AXIN1: variants seen among roughly 807,000 people sequenced by gnomAD.
The protein encoded by AXIN1 is axin-1.
AXIN1 carries 30 observed loss-of-function variants against 76.4 expected under a neutral mutation model. The observed-to-expected ratio is 0.39, with a 90% CI of 0.29 to 0.53. The LOEUF (loss-of-function observed/expected upper bound fraction) is 0.53, where lower values mean the gene tolerates loss of function less well. AXIN1 is among the 20% of genes least tolerant of loss of function. AXIN1 has a pLI of 0.66. For synonymous variants in AXIN1, 545 were observed against 501.4 expected (o/e 1.09, Z -1.16); for missense variants, 1,140 against 1,198.8 (o/e 0.95, Z 0.72).
intron 4 of AXIN1, 133 bp from the exon 5 acceptor site, chr16:304,574 AC>A: frequency 1.4e-6 from 2 of 1,401,604 alleles, no homozygotes; most frequent in Non-Finnish European, 1.9e-6. Context: ...TTGCTCTGTC[AC>A]CCAGGCTGGA....
At position 346,819 on chromosome 16, in the gene AXIN1, C is replaced by T. The variant is rs2054043459; in HGVS notation, c.207G>A (p.Gly69=). 3 of 1,613,322 alleles carry T rather than the reference C, an allele frequency of 1.9e-6. No individual in the cohort carries two copies. Among genetic ancestry groups the T allele is most frequent in the East Asian group, 2.2e-5 (1 of 44,864 alleles). ...GGGAGGCACTGCCCTCAGGCTCATA[C>T]CCCAGGTCCAGATCCGAGCGCCTCG... ...ATPRRSDLDL[G]YEPEGSASPT... Residue 69 remains glycine (G), a synonymous_variant, in exon 2 of 11, where the codon GGG becomes GGA. Transcript: ENST00000262320.
Position 288,321 on chromosome 16 carries a change from G to A in AXIN1, c.2463-73C>T, listed in dbSNP as rs778925978. On this transcript the variant is annotated intron_variant, in intron 10 of 10. Coordinates refer to ENST00000262320, the MANE Select transcript of AXIN1 (RefSeq NM_003502.4). Reference sequence around the variant, plus strand: ...GGGAAGGAGGCCTGTGGCAGGGGACGGCGTGTCCACACCCCATCCCGAGGA... The same window carrying A: ...GGGAAGGAGGCCTGTGGCAGGGGACAGCGTGTCCACACCCCATCCCGAGGA... 6.6e-5 allele frequency: 104 copies of A among 1,586,164 alleles called. No individual in the cohort carries two copies. In the East Asian group the frequency reaches 1.3e-3, roughly 19 times the overall value.
chr16:329,623 T>C (rs929281365), intron 2 of AXIN1, among the ~76,000 whole-genome samples: 1 of 151,772 alleles, frequency 6.6e-6, no homozygotes, highest in African/African-American at 2.4e-5. Context: ...TTTTTGTTTT[T>C]TTTTGTTTTT....
At chr16:348,693 C>T (rs1396103860) in intron 1 of AXIN1, among the ~76,000 whole-genome samples, 1 of 152,152 alleles carries the variant, frequency 6.6e-6, no homozygotes, top group African/African-American at 2.4e-5. Context: ...GTCTCAGCTA[C>T]TTGGAAGACT....
chr16:350,599 C>T (rs997247718), intron 1 of AXIN1, among the ~76,000 whole-genome samples: 17 of 152,206 alleles, frequency 1.1e-4, no homozygotes, highest in African/African-American at 4.1e-4. Context: ...AGTAACACAA[C>T]ACGACTCTGA....
chr16:328,058 T>C (rs946947691), intron 2 of AXIN1, among the ~76,000 whole-genome samples: 1 of 151,130 alleles, frequency 6.6e-6, no homozygotes, highest in African/African-American at 2.4e-5. Context: ...CCCACCTGAG[T>C]GAAAAGGCCA....
intron 1 of AXIN1, among the ~76,000 whole-genome samples, chr16:350,060 GATTAC>G (rs1406735305): frequency 6.6e-6 from 1 of 152,212 alleles, no homozygotes; most frequent in Non-Finnish European, 1.5e-5. Flanking sequence ...AAAGTGTTGG[GATTAC>G]AGGCCACTTT....
chr16:288,940 G>A (rs1035723104), intron 10 of AXIN1, among the ~76,000 whole-genome samples: 2 of 152,254 alleles, frequency 1.3e-5, no homozygotes, highest in African/African-American at 4.8e-5. Flanking sequence ...CCGAAGATGA[G>A]GGCCCTGGAC....
rs2053799476 is a variant in AXIN1, at chr16:336,174, G to A, written c.878+9974C>T. ...TTCTTGAACCCAGGAGGCGGAGGTT[G>A]CAGTAAGCCAAGATGGTGCCATTGC... On this transcript the variant is annotated intron_variant, in intron 2 of 10. Coordinates refer to ENST00000262320, the MANE Select transcript of AXIN1 (RefSeq NM_003502.4). Among the ~76,000 whole-genome samples, 6 of 152,198 alleles carry A rather than the reference G, an allele frequency of 3.9e-5. 1 individual carries two copies. In the South Asian group the frequency reaches 1.2e-3, roughly 32 times the overall value.
intron 2 of AXIN1, among the ~76,000 whole-genome samples, chr16:315,546 GGCCGGGTGCGGTGGCTCA>G (rs1199382294): frequency 6.6e-6 from 1 of 152,178 alleles, no homozygotes; most frequent in Non-Finnish European, 1.5e-5. Flanking sequence ...AAATCAGACA[GGCCGGGTGCGGTGGCTCA>G]TGCCTTTAAT....
At position 293,941 on chromosome 16, in the gene AXIN1, G is replaced by A. The variant is rs1265763855; in HGVS notation, c.1956-223C>T. On this transcript the variant is annotated intron_variant, in intron 7 of 10. Coordinates refer to ENST00000262320, the MANE Select transcript of AXIN1 (RefSeq NM_003502.4). The surrounding 1 kb of genome is among the most constrained non-coding windows in gnomAD (Gnocchi z 4.6). ...ACCTGTAATCCCAGCATTTCGGGAGGCCGAGGCGGGCAGATCACCAGAGGT... is the reference window on the plus strand; with the variant it reads ...ACCTGTAATCCCAGCATTTCGGGAGACCGAGGCGGGCAGATCACCAGAGGT... Among the ~76,000 whole-genome samples, 2 of 152,112 alleles carry A rather than the reference G, an allele frequency of 1.3e-5. No individual in the cohort carries two copies. The highest frequency in any genetic ancestry group is 2.4e-5 in the African/African-American group (1 of 41,438).
At chr16:292,340 T>G (rs940055505) in intron 8 of AXIN1, 1 of 152,266 alleles carries the variant, frequency 6.6e-6, no homozygotes, top group African/African-American at 2.4e-5. Context: ...CCCTTTGGGT[T>G]TGAGGTAACT....
At chr16:351,567 G>C (rs1440241009) in intron 1 of AXIN1, among the ~76,000 whole-genome samples, 1 of 151,436 alleles carries the variant, frequency 6.6e-6, no homozygotes, top group Non-Finnish European at 1.5e-5. Context: ...CCAAGATAGC[G>C]CCACTGCACT....
At chr16:323,166 G>A (rs1298925592) in intron 2 of AXIN1, among the ~76,000 whole-genome samples, 7 of 152,142 alleles carry the variant, frequency 4.6e-5, no homozygotes, top group South Asian at 2.1e-4. Flanking sequence ...GAGGCCGGGC[G>A]CGGTGGCTCA....
At chr16:289,813 G>A in intron 9 of AXIN1, 2 of 665,260 alleles carry the variant, frequency 3.0e-6, no homozygotes, top group Non-Finnish European at 5.2e-6. Context: ...TCCGCTCACT[G>A]GGAGCACGAA....
chr16:324,669 C>G (rs78365415), intron 2 of AXIN1, among the ~76,000 whole-genome samples: 1,952 of 152,320 alleles, frequency 0.013, 33 homozygotes, highest in African/African-American at 0.044. Flanking sequence ...TTTTGACAAG[C>G]TAAGTCGTAC....
chr16:324,621 C>CGTCA (rs1301755441), intron 2 of AXIN1, among the ~76,000 whole-genome samples: 2 of 152,228 alleles, frequency 1.3e-5, no homozygotes, highest in African/African-American at 4.8e-5. Context: ...ACACGCCGCA[C>CGTCA]GTCAGCACAT....
chr16:310,123 AC>A, intron 3 of AXIN1, 54 bp from the exon 4 acceptor site: 1 of 1,531,446 alleles, frequency 6.5e-7, no homozygotes, highest in Non-Finnish European at 8.9e-7. Context: ...GAGGGCCAGC[AC>A]CGTGCCAATA....
chr16:314,642 T>C lies in AXIN1; in HGVS notation c.920A>G (p.Asn307Ser), dbSNP rs2053259161. 3 of 1,614,014 alleles carry C rather than the reference T, an allele frequency of 1.9e-6. No individual in the cohort carries two copies. The highest frequency in any genetic ancestry group is 1.7e-6 in the Non-Finnish European group (2 of 1,180,034). Residue 307 changes from asparagine to serine, a missense_variant, in exon 3 of 11, where the codon AAT (asparagine) becomes AGT (serine). Transcript: ENST00000262320. The stretch of plus-strand genomic sequence containing the variant: ...GGCTGGGGCCAGGGCATAGCCGGCA[T>C]TGACATAATAGGGGTTGACTGGCTC... ...WREPVNPYYV[N>S]AGYALAPATS...
Sources: allele counts gnomAD v4.1 joint callset (sites outside exome capture counted in the v4.1 genomes callset), GRCh38; gene constraint gnomAD v4.1.1; non-coding constraint Gnocchi (gnomAD v3.1); transcripts MANE v1.5; gene names NCBI Gene and HGNC (gene_info 2026-07-23, HGNC 2026-07-21).